CSMD1: variants seen among roughly 807,000 people sequenced by gnomAD.
CSMD1 encodes CUB and sushi domain-containing protein 1.
In CSMD1, 213 loss-of-function variants were observed where a neutral mutation model predicts 417.5. The observed-to-expected ratio is 0.51, with a 90% CI of 0.46 to 0.57. CSMD1 has a LOEUF of 0.57. Among genes scored for constraint, CSMD1 ranks in the 20% least tolerant of loss-of-function variants. The pLI is 0.00. For synonymous variants in CSMD1, 2,862 were observed against 1,736.8 expected (o/e 1.65, Z -16.11); for missense variants, 6,923 against 4,529.7 (o/e 1.53, Z -15.17).
intron 6 of CSMD1, among the ~76,000 whole-genome samples, chr8:3,751,444 T>C (rs1018565686): frequency 1.4e-5 from 2 of 146,798 alleles, no homozygotes; most frequent in African/African-American, 2.5e-5. Flanking sequence ...AGTTTATACA[T>C]ATAAATGTTT....
chr8:4,922,424 G>C (rs1319272192), intron 1 of CSMD1, among the ~76,000 whole-genome samples: 1 of 151,994 alleles, frequency 6.6e-6, no homozygotes, highest in Non-Finnish European at 1.5e-5. Context: ...AGAAATTAAA[G>C]GTCAAATGAT....
Position 2,955,651 on chromosome 8 carries a change from C to T in CSMD1, c.9932G>A (p.Gly3311Glu). The stretch of plus-strand genomic sequence containing the variant: ...TGCTTTACATGTTCTGTGCTCAGAT[C>T]CCCCTGCGAGGAAAAAGCCTGGATG... ...TCHPGFFLAGGSEHRTCKADM... is the reference protein window; with the variant it reads ...TCHPGFFLAGESEHRTCKADM... The change falls in exon 64 of 70, where the codon GGA becomes GAA. Residue 3311 changes from glycine to glutamate, a missense_variant. By Grantham distance (98) the Gly-to-Glu change is moderately conservative (BLOSUM62 -2). Coordinates refer to ENST00000635120, the MANE Select transcript of CSMD1 (RefSeq NM_033225.6). 1.9e-6 allele frequency: 3 copies of T among 1,613,890 alleles called. No individual in the cohort carries two copies. The highest frequency in any genetic ancestry group is 2.5e-6 in the Non-Finnish European group (3 of 1,179,836).
intron 3 of CSMD1, among the ~76,000 whole-genome samples, chr8:4,386,245 C>G (rs1803446713): frequency 6.6e-6 from 1 of 151,824 alleles, no homozygotes; most frequent in African/African-American, 2.4e-5. Flanking sequence ...TACACACTAT[C>G]AGACATTCTC....
At chr8:4,345,611 AC>A (rs1800734258) in intron 3 of CSMD1, among the ~76,000 whole-genome samples, 4 of 152,136 alleles carry the variant, frequency 2.6e-5, no homozygotes, top group African/African-American at 9.7e-5. Context: ...GAAAACAAAA[AC>A]AAAAAGTACC....
rs549066834 is a variant in CSMD1, at chr8:4,005,714, T to C, written c.611-7604A>G. ...AGAAGAACTTTCAAGACTCCCTCAT[T>C]TGATTTGTTTCAGCTAAATATGTGG... is the stretch of plus-strand genomic sequence containing the variant. On this transcript the variant is annotated intron_variant, in intron 4 of 69. Transcript: ENST00000635120. Among the ~76,000 whole-genome samples, 9 of 152,350 alleles carry C rather than the reference T, an allele frequency of 5.9e-5. No homozygotes were observed. The South Asian group carries it at 1.9e-3, about 32-fold the overall frequency.
chr8:3,736,764 G>T (rs75402083), intron 6 of CSMD1, among the ~76,000 whole-genome samples: 1 of 152,152 alleles, frequency 6.6e-6, no homozygotes, highest in African/African-American at 2.4e-5. Flanking sequence ...TAGGTGTGTC[G>T]TTTTGCCTCA....
intron 5 of CSMD1, among the ~76,000 whole-genome samples, chr8:3,845,224 G>A (rs1803418197): frequency 6.6e-6 from 1 of 152,172 alleles, no homozygotes; most frequent in South Asian, 2.1e-4. Context: ...CCTAACAATG[G>A]AGATACATTT....
intron 2 of CSMD1, among the ~76,000 whole-genome samples, chr8:4,454,555 T>C (rs1799354483): frequency 6.6e-6 from 1 of 152,182 alleles, no homozygotes; most frequent in South Asian, 2.1e-4. Context: ...AGAGCACCTT[T>C]GCACAGAGTA....
chr8:4,992,398 G>A (rs914114066), intron 1 of CSMD1, among the ~76,000 whole-genome samples: 2 of 152,234 alleles, frequency 1.3e-5, no homozygotes, highest in South Asian at 4.1e-4. Flanking sequence ...TGCGGAACTC[G>A]AGGGAACCGA....
At position 4,802,352 on chromosome 8, in the gene CSMD1, C is replaced by CGCGTGT. The variant is rs1554486872; in HGVS notation, c.86-164795_86-164794insACACGC. Among the ~76,000 whole-genome samples the CGCGTGT allele has an allele frequency of 1.0e-4, 15 of 146,408 alleles. No homozygotes were observed. In the South Asian group the frequency reaches 1.1e-3, roughly 11 times the overall value. On this transcript the variant is annotated intron_variant, in intron 1 of 69. Coordinates refer to ENST00000635120, the MANE Select transcript of CSMD1 (RefSeq NM_033225.6). The stretch of plus-strand genomic sequence containing the variant: ...AACAAGCAAAATGAGTGTGTGCGCG[C>CGCGTGT]GTGTGTGTGTGTGTGTGTGTGTGTG...
At chr8:3,182,075 A>G (rs1454209736) in intron 36 of CSMD1, among the ~76,000 whole-genome samples, 1 of 152,264 alleles carries the variant, frequency 6.6e-6, no homozygotes, top group East Asian at 1.9e-4. Context: ...TTGTGTAAAA[A>G]TAACCACAGT....
intron 5 of CSMD1, among the ~76,000 whole-genome samples, chr8:3,820,288 T>A (rs1301388877): frequency 6.6e-6 from 1 of 152,136 alleles, no homozygotes; most frequent in Non-Finnish European, 1.5e-5. Flanking sequence ...GTGTAGGATA[T>A]GTGAGCTCAG....
chr8:4,487,633 G>A (rs181199563), intron 2 of CSMD1, among the ~76,000 whole-genome samples: 1 of 152,098 alleles, frequency 6.6e-6, no homozygotes, highest in East Asian at 1.9e-4. Flanking sequence ...TAGAAATAAG[G>A]CACACCCTTG....
intron 41 of CSMD1, among the ~76,000 whole-genome samples, chr8:3,130,160 TA>T (rs999500125): frequency 5.3e-5 from 8 of 152,116 alleles, no homozygotes; most frequent in African/African-American, 1.7e-4. Flanking sequence ...TCATGCTCAT[TA>T]AAAATGGAAA....
At chr8:4,458,299 CT>C (rs376555718) in intron 2 of CSMD1, among the ~76,000 whole-genome samples, 1,534 of 150,638 alleles carry the variant, frequency 0.01, 24 homozygotes, top group African/African-American at 0.036. Context: ...CTTTCTCCCT[CT>C]TTTTTTTTGT....
chr8:3,590,734 T>A (rs1256126322), intron 8 of CSMD1, among the ~76,000 whole-genome samples: 2 of 152,156 alleles, frequency 1.3e-5, no homozygotes, highest in African/African-American at 4.8e-5. Context: ...CCAATGTGGG[T>A]AAACGCCATT....
intron 1 of CSMD1, among the ~76,000 whole-genome samples, chr8:4,826,422 G>A (rs542637037): frequency 9.2e-5 from 14 of 152,230 alleles, no homozygotes; most frequent in East Asian, 1.9e-4. Context: ...AGGGCATTGC[G>A]CTAACTGAAA....
intron 1 of CSMD1, among the ~76,000 whole-genome samples, chr8:4,975,989 C>G (rs187911820): frequency 6.6e-6 from 1 of 152,156 alleles, no homozygotes; most frequent in Admixed American, 6.5e-5. Flanking sequence ...AGGTGTACAA[C>G]AGACACTCAA....
intron 42 of CSMD1, among the ~76,000 whole-genome samples, chr8:3,114,978 TAAGTC>T (rs1816772083): frequency 1.3e-5 from 2 of 152,174 alleles, no homozygotes; most frequent in South Asian, 4.1e-4. Context: ...CTAATGCATT[TAAGTC>T]AAGTTTATTA....
Sources: allele counts gnomAD v4.1 joint callset (sites outside exome capture counted in the v4.1 genomes callset), GRCh38; gene constraint gnomAD v4.1.1; transcripts MANE v1.5; gene names NCBI Gene and HGNC (gene_info 2026-07-23, HGNC 2026-07-21).